Variants in MAF observed in about 807,000 individuals in gnomAD.
MAF encodes the protein transcription factor Maf.
MAF carries 10 observed loss-of-function variants against 22.0 expected under a neutral mutation model. That is an observed-to-expected ratio of 0.45 (90% confidence interval 0.28 to 0.77). MAF has a LOEUF of 0.77. Among genes scored for constraint, MAF ranks in the 30% least tolerant of loss-of-function variants. MAF has a pLI of 0.12. For missense variants in MAF, 544 were observed against 548.4 expected (o/e 0.99, Z 0.08); for synonymous variants, 337 against 255.8 (o/e 1.32, Z -3.03).
At chr16:79,554,239 G>A in the MAF span, among the ~76,000 whole-genome samples, 7 of 152,154 alleles carry the variant, frequency 4.6e-5, no homozygotes, top group African/African-American at 1.7e-4. Context: ...CCTCCAAACA[G>A]CCCAAGAGGT....
chr16:79,244,749 C>T, the MAF span, among the ~76,000 whole-genome samples: 14 of 152,060 alleles, frequency 9.2e-5, no homozygotes, highest in Middle Eastern at 3.4e-3. Flanking sequence ...AAAAAGAGCC[C>T]GCATAGCCAA....
the MAF span, among the ~76,000 whole-genome samples, chr16:79,517,688 C>T: frequency 6.6e-6 from 1 of 151,626 alleles, no homozygotes; most frequent in Non-Finnish European, 1.5e-5. Context: ...GATTCTCCTG[C>T]CTCAGCCTTC....
the MAF span, among the ~76,000 whole-genome samples, chr16:79,287,827 C>T: frequency 6.6e-6 from 1 of 152,144 alleles, no homozygotes. Flanking sequence ...TTATTCATCA[C>T]CTTGGGAGAA....
At chr16:79,355,771 C>T in the MAF span, among the ~76,000 whole-genome samples, 1 of 152,080 alleles carries the variant, frequency 6.6e-6, no homozygotes, top group Admixed American at 6.5e-5. Flanking sequence ...ATCAACTCTC[C>T]CGGCCTCCAC....
chr16:79,354,100 A>G, the MAF span, among the ~76,000 whole-genome samples: 1 of 151,662 alleles, frequency 6.6e-6, no homozygotes. Flanking sequence ...GGCTCAAGTA[A>G]CCCCCCAGTT....
chr16:79,213,111 G>T, the MAF span, among the ~76,000 whole-genome samples: 3 of 152,212 alleles, frequency 2.0e-5, no homozygotes, highest in Non-Finnish European at 4.4e-5. Context: ...TGGACACCAT[G>T]ATTTCCAGCC....
the MAF span, among the ~76,000 whole-genome samples, chr16:79,209,477 G>C: frequency 1.3e-5 from 2 of 152,172 alleles, no homozygotes; most frequent in Non-Finnish European, 2.9e-5. Context: ...CTGTCATGAC[G>C]TTTGAATGCT....
chr16:79,303,564 G>A, the MAF span, among the ~76,000 whole-genome samples: 161 of 152,290 alleles, frequency 1.1e-3, no homozygotes, highest in South Asian at 7.0e-3. Context: ...GGAGAAATAT[G>A]CCCTCTTCCA....
the MAF span, among the ~76,000 whole-genome samples, chr16:79,479,734 G>T: frequency 2.6e-5 from 4 of 152,212 alleles, no homozygotes; most frequent in Admixed American, 1.3e-4. Flanking sequence ...GAAGGAACCA[G>T]ACTACTACGT....
the MAF span, among the ~76,000 whole-genome samples, chr16:79,390,883 A>G: frequency 1.6e-4 from 25 of 152,324 alleles, no homozygotes; most frequent in Non-Finnish European, 3.2e-4. Flanking sequence ...GCGTTGGACC[A>G]TGCTGTCTTT....
the MAF span, chr16:79,212,180 C>CA: frequency 1.4e-6 from 2 of 1,479,036 alleles, no homozygotes; most frequent in Non-Finnish European, 1.8e-6. Context: ...CCACTGCAGC[C>CA]GGGGGCTGGC....
At chr16:79,216,086 A>G in the MAF span, among the ~76,000 whole-genome samples, 210 of 152,268 alleles carry the variant, frequency 1.4e-3, no homozygotes, top group African/African-American at 4.5e-3. Context: ...AGCTTATTCT[A>G]TGGCCAACCC....
chr16:79,389,777 C>A, the MAF span, among the ~76,000 whole-genome samples: 326 of 151,596 alleles, frequency 2.2e-3, 3 homozygotes, highest in Non-Finnish European at 3.5e-3. Flanking sequence ...GAAATCCAAA[C>A]CATGCTGGCT....
At chr16:79,311,755 C>G in the MAF span, among the ~76,000 whole-genome samples, 2 of 152,194 alleles carry the variant, frequency 1.3e-5, no homozygotes, top group East Asian at 3.9e-4. Flanking sequence ...TTTCCTGTCT[C>G]AGCTTGATGC....
chr16:79,572,523 G>C, the MAF span, among the ~76,000 whole-genome samples: 1 of 152,144 alleles, frequency 6.6e-6, no homozygotes, highest in African/African-American at 2.4e-5. Context: ...AGCAAATTCA[G>C]GTTGATCAGG....
the MAF span, among the ~76,000 whole-genome samples, chr16:79,569,545 C>A: frequency 6.6e-6 from 1 of 152,132 alleles, no homozygotes; most frequent in Non-Finnish European, 1.5e-5. Context: ...AAACGTAATT[C>A]TCAGGCTCTA....
At chr16:79,399,153 A>T in the MAF span, among the ~76,000 whole-genome samples, 5 of 151,852 alleles carry the variant, frequency 3.3e-5, no homozygotes, top group Non-Finnish European at 7.4e-5. Context: ...TTGAATTCCT[A>T]CTCTAGCCTT....
the MAF span, among the ~76,000 whole-genome samples, chr16:79,271,059 C>A: frequency 6.6e-6 from 1 of 150,416 alleles, no homozygotes; most frequent in South Asian, 2.1e-4. Flanking sequence ...CGCCACCATG[C>A]CTGGCTTTCT....
At chr16:79,246,890 A>G in the MAF span, among the ~76,000 whole-genome samples, 1 of 147,048 alleles carries the variant, frequency 6.8e-6, no homozygotes, top group Non-Finnish European at 1.5e-5. Context: ...AATAATTTTA[A>G]CTGTTGACTC....
Sources: gnomAD v4.1 joint callset for allele counts (sites outside exome capture counted in the v4.1 genomes callset) on GRCh38, gnomAD v4.1.1 for gene constraint, MANE v1.5 for transcripts, NCBI Gene and HGNC (gene_info 2026-07-23, HGNC 2026-07-21) for gene names.